Variants in PICALM observed in about 807,000 individuals in gnomAD.
The protein encoded by PICALM is phosphatidylinositol binding clathrin assembly protein.
PICALM carries 40 observed loss-of-function variants against 80.5 expected under a neutral mutation model. The ratio of observed to expected loss-of-function variants is 0.50; its 90% CI spans 0.39 to 0.65. PICALM has a LOEUF of 0.65. Among genes scored for constraint, PICALM ranks in the 30% least tolerant of loss-of-function variants. The pLI is 0.00. For synonymous variants in PICALM, 288 were observed against 260.3 expected, an observed-to-expected ratio of 1.11 and a Z score of -1.02; for missense variants, 676 against 778.9, an observed-to-expected ratio of 0.87 and a Z score of 1.57.
chr11:86,014,739 T>TA, intron 5 of PICALM, 131 bp downstream of exon 5: 1 of 485,758 alleles, frequency 2.1e-6, no homozygotes, highest in Non-Finnish European at 3.6e-6. Flanking sequence ...GACTATTTTA[T>TA]AAAAAATCCT....
At chr11:85,965,914 T>C (rs1042883973) in intron 19 of PICALM, among the ~76,000 whole-genome samples, 1 of 149,172 alleles carries the variant, frequency 6.7e-6, no homozygotes, top group African/African-American at 2.5e-5. Flanking sequence ...CCTCCCAGGT[T>C]TCAGCAATTC....
chr11:85,989,757 T>C (rs1462030657), intron 13 of PICALM, among the ~76,000 whole-genome samples: 1 of 152,026 alleles, frequency 6.6e-6, no homozygotes, highest in Non-Finnish European at 1.5e-5. Flanking sequence ...GGATAAAAGA[T>C]ATGCATAGAT....
rs947642782 is a variant in PICALM, at chr11:85,957,266, T to C, written c.*1780A>G. On this transcript the variant is annotated 3_prime_UTR_variant, in exon 20 of 20. Coordinates refer to ENST00000393346, the MANE Select transcript of PICALM (RefSeq NM_007166.4). ...ATTTTTTCTCCAATCACAGCAAATA[T>C]TATGAGACACTTATCAATGCAAAGC... Among the ~76,000 whole-genome samples the C allele has an allele frequency of 3.9e-5, 6 of 152,194 alleles. No individual in the cohort carries two copies. The highest frequency in any genetic ancestry group is 2.1e-4 in the South Asian group (1 of 4,834).
chr11:85,963,264 G>A (rs1319637356), intron 19 of PICALM, among the ~76,000 whole-genome samples: 1 of 152,048 alleles, frequency 6.6e-6, no homozygotes, highest in East Asian at 1.9e-4. Context: ...TTACAAGAGA[G>A]CATATGTAAT....
chr11:86,020,440 A>AT (rs2095546158), intron 4 of PICALM, among the ~76,000 whole-genome samples: 1 of 151,296 alleles, frequency 6.6e-6, no homozygotes, highest in Non-Finnish European at 1.5e-5. Flanking sequence ...AAAAAAAAAA[A>AT]AAAGAATAGA....
intron 1 of PICALM, among the ~76,000 whole-genome samples, chr11:86,041,304 G>GA (rs2095960868): frequency 6.6e-6 from 1 of 151,872 alleles, no homozygotes; most frequent in Non-Finnish European, 1.5e-5. Flanking sequence ...AGCAAATTTG[G>GA]AAAAAAATAT....
intron 13 of PICALM, among the ~76,000 whole-genome samples, chr11:85,984,341 AG>A (rs1190270422): frequency 6.6e-6 from 1 of 152,188 alleles, no homozygotes; most frequent in African/African-American, 2.4e-5. Flanking sequence ...CTGAGAATGC[AG>A]TAAGAATTCT....
chr11:85,973,692 C>G (rs2094182521), intron 19 of PICALM, among the ~76,000 whole-genome samples: 3 of 152,022 alleles, frequency 2.0e-5, no homozygotes, highest in Non-Finnish European at 2.9e-5. Context: ...CAAATTGGAT[C>G]AAATAAACTA....
chr11:85,967,195 G>A (rs2093930518), intron 19 of PICALM, among the ~76,000 whole-genome samples: 1 of 152,152 alleles, frequency 6.6e-6, no homozygotes, highest in Non-Finnish European at 1.5e-5. Context: ...TTGGAGTAGA[G>A]AAATAATTTT....
chr11:86,042,660 C>CAAAAAAAAAAAAAA (rs10648704), intron 1 of PICALM, among the ~76,000 whole-genome samples: 1 of 142,732 alleles, frequency 7.0e-6, no homozygotes, highest in Non-Finnish European at 1.5e-5. Context: ...TCAGGACTCT[C>CAAAAAAAAAAAAAA]AAAAAAAAAA....
intron 1 of PICALM, among the ~76,000 whole-genome samples, chr11:86,055,873 C>G (rs980006514): frequency 6.6e-6 from 1 of 151,938 alleles, no homozygotes; most frequent in Non-Finnish European, 1.5e-5. Flanking sequence ...TGATGGCTCA[C>G]GTCTATAATC....
At chr11:86,016,209 A>G (rs1189211585) in intron 4 of PICALM, among the ~76,000 whole-genome samples, 1 of 152,230 alleles carries the variant, frequency 6.6e-6, no homozygotes, top group African/African-American at 2.4e-5. Context: ...ATTAGCTTCA[A>G]CATCTACATG....
chr11:85,963,519 T>C (rs2093762272), intron 19 of PICALM, among the ~76,000 whole-genome samples: 1 of 152,240 alleles, frequency 6.6e-6, no homozygotes, highest in Non-Finnish European at 1.5e-5. Flanking sequence ...TTCAACAAAG[T>C]GGTCAATTGT....
intron 1 of PICALM, among the ~76,000 whole-genome samples, chr11:86,059,880 AAAG>A (rs1237794301): frequency 1.3e-5 from 2 of 152,120 alleles, no homozygotes; most frequent in African/African-American, 4.8e-5. Flanking sequence ...TAAAAAAAAA[AAAG>A]AGAGAGGACA....
intron 18 of PICALM, among the ~76,000 whole-genome samples, chr11:85,975,980 A>G (rs2094268292): frequency 6.6e-6 from 1 of 152,200 alleles, no homozygotes; most frequent in Admixed American, 6.5e-5. Context: ...TCCATATCAT[A>G]TACATAAAGA....
chr11:85,980,373 C>T (rs1176501508), intron 17 of PICALM, among the ~76,000 whole-genome samples: 1 of 152,192 alleles, frequency 6.6e-6, no homozygotes, highest in East Asian at 1.9e-4. Flanking sequence ...CACTTCTGAA[C>T]TTTATTTCCT....
intron 1 of PICALM, among the ~76,000 whole-genome samples, chr11:86,042,377 C>A (rs2095988105): frequency 6.6e-6 from 1 of 151,980 alleles, no homozygotes; most frequent in Non-Finnish European, 1.5e-5. Context: ...AATAAAAACT[C>A]ATCACTTAAT....
In PICALM at chr11:85,958,164, A is replaced by G. The variant is rs1053478155; in HGVS notation, c.*882T>C. 1.3e-5 allele frequency: 3 copies of G among 225,484 alleles called. No individual in the cohort carries two copies. Among genetic ancestry groups the G allele is most frequent in the African/African-American group, 6.7e-5 (3 of 44,882 alleles). 14.0% of individuals were successfully genotyped at this position (225,484 alleles called of 1,614,324 possible). A position where few individuals can be genotyped will look rare whatever the true frequency, so the allele number is the denominator to read the frequency against. ...TGACATGCCAAGCACAAAGCAGTAA[A>G]GATCCTTCCCAATGCACTAATGCTG... On this transcript the variant is annotated 3_prime_UTR_variant, in exon 20 of 20. Coordinates refer to ENST00000393346, the MANE Select transcript of PICALM (RefSeq NM_007166.4).
rs1555034096 is a variant in PICALM, at chr11:85,982,423, C to CTTTTTTTGTTTTT, written c.1517-421_1517-420insAAAAACAAAAAAA. On this transcript the variant is annotated intron_variant, in intron 14 of 19. Transcript: ENST00000393346. Reference sequence around the variant, plus strand: ...ACGTTAAGAAATAAGATTTTATAGACTTTTTTTTTTTTTTTGAGACGGAGT... The same window carrying CTTTTTTTGTTTTT: ...ACGTTAAGAAATAAGATTTTATAGACTTTTTTTGTTTTTTTTTTTTTTTTTTTTGAGACGGAGT... Among the ~76,000 whole-genome samples, 10 of 70,172 alleles carry CTTTTTTTGTTTTT rather than the reference C, an allele frequency of 1.4e-4. 1 individual carries two copies. The highest frequency in any genetic ancestry group is 2.3e-4 in the Non-Finnish European group (9 of 38,520). The allele number at this position is 70,172 out of a possible 152,430, so 46.0% of individuals were successfully genotyped here.
Sources: gnomAD v4.1 joint callset for allele counts (sites outside exome capture counted in the v4.1 genomes callset) on GRCh38, gnomAD v4.1.1 for gene constraint, MANE v1.5 for transcripts, NCBI Gene and HGNC (gene_info 2026-07-23, HGNC 2026-07-21) for gene names.